NPHS1: variants seen among roughly 807,000 people sequenced by gnomAD.
The protein encoded by NPHS1 is nephrin.
Under a neutral mutation model 139.7 loss-of-function variants are expected in NPHS1, and 107 were observed. That is an observed-to-expected ratio of 0.77 (90% CI 0.66 to 0.90). NPHS1 has a LOEUF of 0.90. Ranked by LOEUF, NPHS1 falls within the 40% of genes least tolerant of loss-of-function variation. NPHS1 has a pLI of 0.00. For synonymous variants in NPHS1, 707 were observed against 706.6 expected (o/e 1.00, Z -0.01); for missense variants, 1,580 against 1,654.2 (o/e 0.96, Z 0.78).
In NPHS1 at chr19:35,831,040, G is replaced by T. The variant is rs757119264; in HGVS notation, c.3481+13C>A. On this transcript the variant is annotated intron_variant, in intron 27 of 28. Coordinates refer to ENST00000378910, the MANE Select transcript of NPHS1 (RefSeq NM_004646.4). ...CCTCTGAGTGAGGGAATCCTGACAT[G>T]GTCCTAACTCACCTCGGGAATAAGA... The T allele has an allele frequency of 5.6e-6, 9 of 1,612,966 alleles. No individual in the cohort carries two copies. The Admixed American group carries it at 1.3e-4, about 24-fold the overall frequency.
At position 35,831,146 on chromosome 19, in the gene NPHS1, C is replaced by A. The variant is rs1014304529; in HGVS notation, c.3388G>T (p.Val1130Phe). 7 of 1,613,794 alleles carry A rather than the reference C, an allele frequency of 4.3e-6. No individual in the cohort carries two copies. In the African/African-American group the frequency reaches 5.3e-5, roughly 12 times the overall value. ...TACGGCTCTGCCTCTGTTGTGCTGA[C>A]CTGTTCCCCACACGCAAAACAAACA... The part of the protein sequence containing the change: ...TGERDTQSST[V>F]STTEAEPYYR... Residue 1130 changes from valine (V) to phenylalanine (F), a missense_variant and splice_region_variant, in exon 27 of 29, where the codon GTC becomes TTC. Physicochemically the swap from Val to Phe is conservative, Grantham distance 50. Coordinates refer to ENST00000378910, the MANE Select transcript of NPHS1 (RefSeq NM_004646.4).
At chr19:35,837,197 G>A (rs1341411235) in intron 22 of NPHS1, among the ~76,000 whole-genome samples, 1 of 152,160 alleles carries the variant, frequency 6.6e-6, no homozygotes, top group Non-Finnish European at 1.5e-5. Flanking sequence ...ACCAGGCTCT[G>A]AAGGATTTAC....
rs759250005 is a variant in NPHS1 at position 35,839,579 on chromosome 19, C to T, written c.2844G>A (p.Lys948=). 2 of 1,614,188 alleles carry T rather than the reference C, an allele frequency of 1.2e-6. No homozygotes were observed. The highest frequency in any genetic ancestry group is 2.2e-5 in the South Asian group (2 of 91,076). Residue 948 remains lysine (K), a synonymous_variant, in exon 21 of 29, where the codon AAG becomes AAA. Transcript: ENST00000378910. ...ISRPDPPSGL[K]VVSLTPHSVG... is the part of the protein sequence containing the mutation. ...CGGAGTGTGGGGTCAGACTCACAAC[C>T]TTTAATCCTGATGGAGGGTCAGGGC...
chr19:35,843,550 G>T lies in NPHS1; in HGVS notation c.2256C>A (p.Asn752Lys), dbSNP rs530683414. The change falls in exon 17 of 29, where the codon AAC (asparagine) becomes AAA (lysine). Residue 752 changes from asparagine (N) to lysine (K), a missense_variant. Asn to Lys is a moderately conservative substitution (Grantham distance 94). Transcript: ENST00000378910. ...IRALQDPTEV[N>K]VGGSVDIVCT... The stretch of plus-strand genomic sequence containing the variant: ...AGACTATGTCCACAGAACCCCCGAC[G>T]TTCACCTCAGTGGGGTCCTGGAGGG... The T allele has an allele frequency of 6.2e-7, 1 of 1,614,122 alleles. No individual in the cohort carries two copies. The highest frequency in any genetic ancestry group is 2.2e-5 in the East Asian group (1 of 44,878).
intron 22 of NPHS1, among the ~76,000 whole-genome samples, chr19:35,838,491 T>G (rs1973007827): frequency 6.6e-6 from 1 of 151,880 alleles, no homozygotes; most frequent in African/African-American, 2.4e-5. Context: ...AGGCGGAGGT[T>G]GTAGTGAGCC....
chr19:35,840,415 A>G (rs1037261612), intron 20 of NPHS1, among the ~76,000 whole-genome samples: 12 of 149,626 alleles, frequency 8.0e-5, no homozygotes, highest in African/African-American at 3.0e-4. Context: ...ACTCATTGCA[A>G]GCTCTGCCTC....
At position 35,844,702 on chromosome 19, in the gene NPHS1, G is replaced by A. The variant is rs545995500; in HGVS notation, c.1931-243C>T. ...AGGATGGAAACAGGAGTCATGAGGG[G>A]GGTTAGGAGAGAGGACAAATGCAAG... On this transcript the variant is annotated intron_variant, in intron 14 of 28. Coordinates refer to ENST00000378910, the MANE Select transcript of NPHS1 (RefSeq NM_004646.4). Among the ~76,000 whole-genome samples the A allele has an allele frequency of 3.9e-5, 6 of 152,282 alleles. No individual in the cohort carries two copies. The South Asian group carries it at 1.2e-3, about 32-fold the overall frequency.
At position 35,849,100 on chromosome 19, in the gene NPHS1, C is replaced by A. The variant is rs531224038; in HGVS notation, c.888G>T (p.Ala296=). ...STAWGTEHTQ[A]VARSVLVMTV... is the part of the protein sequence containing the mutation. The stretch of plus-strand genomic sequence containing the variant: ...TCATCACCAGCACACTGCGGGCCAC[C>A]GCCTGGGTGTGCTCTGTGCCCCACG... The change falls in exon 8 of 29, where the codon GCG becomes GCT. Residue 296 remains alanine, a synonymous_variant. Coordinates refer to ENST00000378910, the MANE Select transcript of NPHS1 (RefSeq NM_004646.4). 14 of 1,609,614 alleles carry A rather than the reference C, an allele frequency of 8.7e-6. No individual in the cohort carries two copies. The highest frequency in any genetic ancestry group is 1.2e-5 in the Non-Finnish European group (14 of 1,180,006).
rs140305689 is a variant in NPHS1 at position 35,826,600 on chromosome 19, T to C, written c.3640A>G (p.Arg1214Gly). 11 of 1,613,950 alleles carry C rather than the reference T, an allele frequency of 6.8e-6. No homozygotes were observed. Among genetic ancestry groups the C allele is most frequent in the African/African-American group, 1.3e-5 (1 of 74,880 alleles). ...HWPEDTYQDP[R>G]GIYDQVAGDL... ...CCGGCCACCTGGTCATAGATTCCTC[T>C]TGGATCCTGATATGTGTCTTCAGGC... Residue 1214 changes from arginine (R) to glycine (G), a missense_variant, in exon 29 of 29, where the codon AGA becomes GGA. Physicochemically the swap from Arg to Gly is moderately radical, Grantham distance 125. Coordinates refer to ENST00000378910, the MANE Select transcript of NPHS1 (RefSeq NM_004646.4).
chr19:35,844,550 G>T, intron 14 of NPHS1, 91 bp from the exon 15 acceptor site: 1 of 1,397,250 alleles, frequency 7.2e-7, no homozygotes, highest in East Asian at 2.5e-5. Context: ...AAGGGTTAAA[G>T]TTGGGGTCAC....
chr19:35,845,440 G>A lies in NPHS1; in HGVS notation c.1858C>T (p.Arg620Cys), dbSNP rs775318477. 9 of 1,614,170 alleles carry A rather than the reference G, an allele frequency of 5.6e-6. No individual in the cohort carries two copies. Among genetic ancestry groups the A allele is most frequent in the Non-Finnish European group, 7.6e-6 (9 of 1,180,036 alleles). Residue 620 changes from arginine to cysteine, a missense_variant, in exon 14 of 29, where the codon CGC (arginine) becomes TGC (cysteine). Physicochemically the swap from Arg to Cys is radical, Grantham distance 180. Transcript: ENST00000378910. The surrounding 1 kb of genome is among the most constrained non-coding windows in gnomAD (Gnocchi z 5.5). ...LQVSSRDHGQ[R>C]VTCRAHSAEL... ...GCGCTGTGGGCGCGGCAGGTCACGC[G>A]CTGGCCATGATCGCGGGATGACACT...
In NPHS1 at chr19:35,843,713, C is replaced by G. The variant is rs138017453; in HGVS notation, c.2213-120G>C. On this transcript the variant is annotated intron_variant, in intron 16 of 28. Coordinates refer to ENST00000378910, the MANE Select transcript of NPHS1 (RefSeq NM_004646.4). ...GGAAAGTTATGGGTGTGGACACAATCTGCCCTTAATACCAAAGGGTTGGAG... is the reference window on the plus strand; with the variant it reads ...GGAAAGTTATGGGTGTGGACACAATGTGCCCTTAATACCAAAGGGTTGGAG... 9.2e-6 allele frequency: 12 copies of G among 1,307,324 alleles called. No individual in the cohort carries two copies. In the East Asian group the frequency reaches 2.8e-4, roughly 31 times the overall value. 81.0% of individuals were successfully genotyped at this position (1,307,324 alleles called of 1,614,324 possible). A position where few individuals can be genotyped will look rare whatever the true frequency, so the allele number is the denominator to read the frequency against.
In NPHS1 at chr19:35,851,389, A is replaced by G; in HGVS notation, c.275-5T>C. On this transcript the variant is annotated splice_polypyrimidine_tract_variant and splice_region_variant and intron_variant, in intron 2 of 28. Transcript: ENST00000378910. ...CGATGTGCAGGTGGAATTCACCTGC[A>G]GGGGGAGCCGGAAGTCAGGGCCGCA... 1 of 1,612,940 alleles carries G rather than the reference A, an allele frequency of 6.2e-7. No individual in the cohort carries two copies. The highest frequency in any genetic ancestry group is 8.5e-7 in the Non-Finnish European group (1 of 1,179,670).
rs371652869 is a variant in NPHS1, at chr19:35,851,299, G to A, written c.360C>T (p.Pro120=). 11 of 1,613,824 alleles carry A rather than the reference G, an allele frequency of 6.8e-6. No homozygotes were observed. The highest frequency in any genetic ancestry group is 1.7e-5 in the Admixed American group (1 of 59,982). ...ECQVGRSEMG[P]ELVSPRVILS... Reference sequence around the variant, plus strand: ...GGATCACTCTGGGAGACACGAGCTCGGGCCCCATCTCAGAGCGGCCGACCT... The same window carrying A: ...GGATCACTCTGGGAGACACGAGCTCAGGCCCCATCTCAGAGCGGCCGACCT... The change falls in exon 3 of 29, where the codon CCC becomes CCT. Residue 120 remains proline, a synonymous_variant. Transcript: ENST00000378910.
At chr19:35,840,189 G>A (rs1599840441) in intron 20 of NPHS1, among the ~76,000 whole-genome samples, 1 of 149,042 alleles carries the variant, frequency 6.7e-6, no homozygotes, top group Non-Finnish European at 1.5e-5. Context: ...ATTTTTAGTA[G>A]AGATGGGGTT....
At chr19:35,848,937 G>T in intron 8 of NPHS1, 39 bp downstream of exon 8, 1 of 1,611,096 alleles carries the variant, frequency 6.2e-7, no homozygotes, top group Non-Finnish European at 8.5e-7. Flanking sequence ...GTTCTCTGAG[G>T]CACAGACCGA....
In NPHS1 at chr19:35,849,122, C is replaced by T. The variant is rs781584590; in HGVS notation, c.866G>A (p.Trp289Ter). 1.9e-6 allele frequency: 3 copies of T among 1,609,794 alleles called. No individual in the cohort carries two copies. The highest frequency in any genetic ancestry group is 2.5e-6 in the Non-Finnish European group (3 of 1,180,018). ...CACCGCCTGGGTGTGCTCTGTGCCC[C>T]ACGCTGTGGACACCGGCTGGCCATT... ...LKNGQPVSTA[W>*]GTEHTQAVAR... The change falls in exon 8 of 29, where the codon TGG becomes TAG. Residue 289 changes from tryptophan to a stop codon, truncating the protein, a stop_gained. Coordinates refer to ENST00000378910, the MANE Select transcript of NPHS1 (RefSeq NM_004646.4). LOFTEE classifies it high-confidence loss of function.
rs567555565 is a variant in NPHS1 at position 35,840,157 on chromosome 19, C to G, written c.2816-550G>C. 2.6e-5 allele frequency among the ~76,000 whole-genome samples: 4 copies of G among 151,180 alleles called. No homozygotes were observed. In the East Asian group the frequency reaches 7.8e-4, roughly 30 times the overall value. On this transcript the variant is annotated intron_variant, in intron 20 of 28. Coordinates refer to ENST00000378910, the MANE Select transcript of NPHS1 (RefSeq NM_004646.4). ...GTAGCTGGATTACAGGTGCCCGCCA[C>G]CATGCCCAGCTAATTTTTCATATTT... is the stretch of plus-strand genomic sequence containing the variant.
At position 35,842,035 on chromosome 19, in the gene NPHS1, T is replaced by C. The variant is rs1973063819; in HGVS notation, c.2663+89A>G. On this transcript the variant is annotated intron_variant, in intron 19 of 28. Transcript: ENST00000378910. ...TCACTCATTCCTCCACCCATTCGTC[T>C]TCCTTCTCTGCAGGGACTCAGGGAG... The C allele has an allele frequency of 2.0e-6, 3 of 1,479,782 alleles. No homozygotes were observed. In the East Asian group the frequency reaches 7.1e-5, roughly 35 times the overall value. The allele number at this position is 1,479,782 out of a possible 1,614,324, so 91.7% of individuals were successfully genotyped here. A position where few individuals can be genotyped will look rare whatever the true frequency, so the allele number is the denominator to read the frequency against.
Sources: allele counts gnomAD v4.1 joint callset (sites outside exome capture counted in the v4.1 genomes callset), GRCh38; gene constraint gnomAD v4.1.1; non-coding constraint Gnocchi (gnomAD v3.1); transcripts MANE v1.5; gene names NCBI Gene and HGNC (gene_info 2026-07-23, HGNC 2026-07-21).